Variants in EIF5B observed in about 807,000 individuals in gnomAD.
The protein encoded by EIF5B is eIF-5B.
A neutral mutation model predicts 147.5 loss-of-function variants in EIF5B; 47 were observed. That is an observed-to-expected ratio of 0.32 (90% CI 0.25 to 0.41). EIF5B has a LOEUF of 0.41. EIF5B is among the 10% of genes least tolerant of loss of function. The pLI is 1.00. For missense variants in EIF5B, 1,064 were observed against 1,413.2 expected, an observed-to-expected ratio of 0.75 and a Z score of 3.96; for synonymous variants, 455 against 456.2, an observed-to-expected ratio of 1.00 and a Z score of 0.03.
intron 22 of EIF5B, chr2:99,398,530 T>G: frequency 2.3e-6 from 1 of 435,352 alleles, no homozygotes; most frequent in Non-Finnish European, 4.1e-6. Context: ...CAAAGCACAT[T>G]ATCTCCTGTC....
At chr2:99,363,884 A>G (rs1674272485) in intron 5 of EIF5B, 22 bp downstream of exon 5, 3 of 1,592,630 alleles carry the variant, frequency 1.9e-6, no homozygotes, top group Middle Eastern at 3.4e-4. Flanking sequence ...TGAAGTTGGT[A>G]ACATTGATAT....
intron 1 of EIF5B, among the ~76,000 whole-genome samples, chr2:99,349,906 C>G (rs1181631483): frequency 8.5e-5 from 13 of 152,204 alleles, no homozygotes; most frequent in Non-Finnish European, 1.9e-4. Context: ...AACTTATTCT[C>G]CTAACTGTAA....
At chr2:99,387,636 C>T (rs1325338870) in intron 14 of EIF5B, among the ~76,000 whole-genome samples, 1 of 151,978 alleles carries the variant, frequency 6.6e-6, no homozygotes, top group African/African-American at 2.4e-5. Context: ...ATTTTAGGTC[C>T]TTGGATTTCA....
intron 9 of EIF5B, among the ~76,000 whole-genome samples, chr2:99,375,552 A>G (rs543948406): frequency 1.9e-4 from 29 of 152,312 alleles, no homozygotes; most frequent in African/African-American, 2.6e-4. Flanking sequence ...TGGACTCCCA[A>G]TGCAGCTTAG....
At chr2:99,342,539 T>C (rs1405180746) in intron 1 of EIF5B, among the ~76,000 whole-genome samples, 1 of 152,240 alleles carries the variant, frequency 6.6e-6, no homozygotes, top group African/African-American at 2.4e-5. Context: ...TTTTCCCATG[T>C]ATCACAGAAT....
chr2:99,368,435 A>T, intron 6 of EIF5B, 58 bp from the exon 7 acceptor site: 2 of 1,215,858 alleles, frequency 1.6e-6, no homozygotes, highest in Non-Finnish European at 2.4e-6. Context: ...TTTAAATAGT[A>T]CTTCTCAGGT....
At position 99,376,387 on chromosome 2, in the gene EIF5B, TGAAGAGGAGGAGGAGGAGGAA is replaced by T; in HGVS notation, c.1602_1622del (p.Glu537_Glu543del). ...TTCATATAGAAGTAAAAGAAAACCC[TGAAGAGGAGGAGGAGGAGGAA>T]GAAGAGGAAGAAGAAGATGAAGAAA... On this transcript the variant is annotated inframe_deletion, in exon 10 of 24. Coordinates refer to ENST00000289371, the MANE Select transcript of EIF5B (RefSeq NM_015904.4). 6.6e-7 allele frequency: 1 copy of T among 1,524,250 alleles called. No individual in the cohort carries two copies. The allele number at this position is 1,524,250 out of a possible 1,614,324, so 94.4% of individuals were successfully genotyped here. A position where few individuals can be genotyped will look rare whatever the true frequency, so the allele number is the denominator to read the frequency against.
In EIF5B at chr2:99,338,937, T is replaced by TATATATATATATATATATATATATATAC. The variant is rs1491555384; in HGVS notation, c.35+1349_35+1350insTATATATATATATATATATATATATACA. On this transcript the variant is annotated intron_variant, in intron 1 of 23. Transcript: ENST00000289371. The stretch of plus-strand genomic sequence containing the variant: ...AGAAGTGTGTGTATATATATATATA[T>TATATATATATATATATATATATATATAC]ACAAATATATATACACACATATATA... Among the ~76,000 whole-genome samples, 12 of 134,668 alleles carry TATATATATATATATATATATATATATAC rather than the reference T, an allele frequency of 8.9e-5. No homozygotes were observed. In the East Asian group the frequency reaches 1.0e-3, roughly 12 times the overall value. The allele number at this position is 134,668 out of a possible 152,430, so 88.3% of individuals were successfully genotyped here. A position where few individuals can be genotyped will look rare whatever the true frequency, so the allele number is the denominator to read the frequency against.
rs115008219 is a variant in EIF5B, at chr2:99,395,991, G to A, written c.3255-769G>A. Reference sequence around the variant, plus strand: ...CACAATCAGACTGGTTAATTGGGTTGTTATGTGGACCTTGGGTTGTTAGGA... The same window carrying A: ...CACAATCAGACTGGTTAATTGGGTTATTATGTGGACCTTGGGTTGTTAGGA... On this transcript the variant is annotated intron_variant, in intron 21 of 23. Coordinates refer to ENST00000289371, the MANE Select transcript of EIF5B (RefSeq NM_015904.4). 4.6e-3 allele frequency among the ~76,000 whole-genome samples: 704 copies of A among 152,308 alleles called. 6 individuals carry two copies. The highest frequency in any genetic ancestry group is 0.016 in the African/African-American group (683 of 41,566).
chr2:99,362,735 G>A lies in EIF5B; in HGVS notation c.920-910G>A, dbSNP rs1574926388. Among the ~76,000 whole-genome samples, 3 of 152,150 alleles carry A rather than the reference G, an allele frequency of 2.0e-5. No homozygotes were observed. The East Asian group carries it at 5.8e-4, about 30-fold the overall frequency. ...AAAAGCAGTAGTTTTTCTTTTGACT[G>A]GAAAACTTTTAATGGGAAAATTGAC... On this transcript the variant is annotated intron_variant, in intron 4 of 23. Coordinates refer to ENST00000289371, the MANE Select transcript of EIF5B (RefSeq NM_015904.4).
intron 17 of EIF5B, among the ~76,000 whole-genome samples, chr2:99,392,446 T>G (rs1674958055): frequency 6.6e-6 from 1 of 152,344 alleles, no homozygotes; most frequent in Non-Finnish European, 1.5e-5. Flanking sequence ...AAGGCCACAC[T>G]TGTCTACAGT....
At chr2:99,368,668 T>C in intron 7 of EIF5B, 77 bp downstream of exon 7, 2 of 1,174,126 alleles carry the variant, frequency 1.7e-6, no homozygotes, top group Non-Finnish European at 2.4e-6. Flanking sequence ...ACAGTGTCTG[T>C]AAAGAAGAAA....
chr2:99,399,620 T>TTCCAATGTGCC lies in EIF5B; in HGVS notation c.*208_*218dup, dbSNP rs1675156936. 5.9e-6 allele frequency: 3 copies of TTCCAATGTGCC among 512,198 alleles called. No individual in the cohort carries two copies. Among genetic ancestry groups the TTCCAATGTGCC allele is most frequent in the Non-Finnish European group, 1.1e-5 (3 of 281,812 alleles). 31.7% of individuals were successfully genotyped at this position (512,198 alleles called of 1,614,324 possible). A position where few individuals can be genotyped will look rare whatever the true frequency, so the allele number is the denominator to read the frequency against. The stretch of plus-strand genomic sequence containing the variant: ...AGTGGTCAGTTACATGTCCCCACAG[T>TTCCAATGTGCC]TCCAATGTGCCTGTTCACTCACCTC... On this transcript the variant is annotated 3_prime_UTR_variant, in exon 24 of 24. Coordinates refer to ENST00000289371, the MANE Select transcript of EIF5B (RefSeq NM_015904.4).
At chr2:99,343,539 C>G (rs1009468475) in intron 1 of EIF5B, among the ~76,000 whole-genome samples, 1 of 151,848 alleles carries the variant, frequency 6.6e-6, no homozygotes, top group African/African-American at 2.4e-5. Flanking sequence ...TATTGCTGGC[C>G]GGGCACAGTG....
In EIF5B at chr2:99,399,396, A is replaced by G; in HGVS notation, c.3645A>G (p.Lys1215=). ...SDWQLIVELK[K]VFEII is the part of the protein sequence containing the mutation. The stretch of plus-strand genomic sequence containing the variant: ...GGCAGCTTATTGTGGAGCTGAAGAA[A>G]GTATTTGAAATCATCTAATTTTTTC... Residue 1215 remains lysine, a synonymous_variant, in exon 24 of 24, where the codon AAA becomes AAG. Transcript: ENST00000289371. The G allele has an allele frequency of 6.2e-7, 1 of 1,614,156 alleles. No homozygotes were observed. Among genetic ancestry groups the G allele is most frequent in the Non-Finnish European group, 8.5e-7 (1 of 1,180,012 alleles).
chr2:99,338,868 A>G (rs2094250924), intron 1 of EIF5B, among the ~76,000 whole-genome samples: 1 of 150,708 alleles, frequency 6.6e-6, no homozygotes, highest in Admixed American at 6.6e-5. Flanking sequence ...ACCTGCCTTC[A>G]ACCATTGTTA....
At chr2:99,346,927 A>G (rs994348527) in intron 1 of EIF5B, among the ~76,000 whole-genome samples, 42 of 151,936 alleles carry the variant, frequency 2.8e-4, no homozygotes, top group Non-Finnish European at 1.0e-4. Flanking sequence ...TTTTATCAAT[A>G]TTATATATAT....
intron 14 of EIF5B, among the ~76,000 whole-genome samples, chr2:99,387,533 C>G (rs1009893114): frequency 5.3e-5 from 8 of 152,238 alleles, no homozygotes; most frequent in Non-Finnish European, 8.8e-5. Context: ...TCCTATGCCA[C>G]TACTACCCTG....
chr2:99,363,919 C>T, intron 5 of EIF5B, 57 bp downstream of exon 5: 1 of 1,511,640 alleles, frequency 6.6e-7, no homozygotes, highest in Admixed American at 2.2e-5. Flanking sequence ...AATCTATTCT[C>T]TGTAAAATAT....
Sources: gnomAD v4.1 joint callset for allele counts (sites outside exome capture counted in the v4.1 genomes callset) on GRCh38, gnomAD v4.1.1 for gene constraint, MANE v1.5 for transcripts, NCBI Gene and HGNC (gene_info 2026-07-23, HGNC 2026-07-21) for gene names.